The following ZNF385D variants were observed in gnomAD, a reference collection of about 807,000 sequenced individuals.
ZNF385D encodes zinc finger protein 385D, also known as zinc finger protein 659.
In ZNF385D, 15 loss-of-function variants were observed where a neutral mutation model predicts 35.8. The observed-to-expected ratio is 0.42, with a 90% CI of 0.28 to 0.64. ZNF385D has a LOEUF of 0.64. ZNF385D is among the 30% of genes least tolerant of loss of function. ZNF385D has a pLI of 0.23. For missense variants in ZNF385D, 474 were observed against 494.6 expected, an observed-to-expected ratio of 0.96 and a Z score of 0.39; for synonymous variants, 212 against 186.8, an observed-to-expected ratio of 1.13 and a Z score of -1.10.
chr3:21,799,774 T>C (rs2072315329), intron 3 of ZNF385D, among the ~76,000 whole-genome samples: 1 of 150,764 alleles, frequency 6.6e-6, no homozygotes, highest in African/African-American at 2.4e-5. Context: ...CCATTTTATA[T>C]ATTTTTTCTT....
At chr3:21,727,324 G>T (rs79350119) in intron 1 of ZNF385D, among the ~76,000 whole-genome samples, 3 of 152,244 alleles carry the variant, frequency 2.0e-5, no homozygotes, top group East Asian at 3.9e-4. Flanking sequence ...TTGACAAATG[G>T]TATCTAATTA....
chr3:22,085,726 C>T (rs956553037), intron 3 of ZNF385D, among the ~76,000 whole-genome samples: 4 of 152,160 alleles, frequency 2.6e-5, no homozygotes, highest in African/African-American at 9.7e-5. Context: ...CATCCTGATA[C>T]CAAAACATGG....
chr3:21,846,027 A>G (rs1695983377), intron 3 of ZNF385D, among the ~76,000 whole-genome samples: 1 of 152,036 alleles, frequency 6.6e-6, no homozygotes, highest in African/African-American at 2.4e-5. Flanking sequence ...GGAGCCTGCT[A>G]GTAACATACA....
chr3:21,765,355 G>A (rs539119611), intron 3 of ZNF385D, among the ~76,000 whole-genome samples: 2 of 152,140 alleles, frequency 1.3e-5, no homozygotes, highest in African/African-American at 4.8e-5. Flanking sequence ...CAGCTGCCAA[G>A]CCATTCTCCT....
At chr3:22,127,529 G>T (rs1331655164) in intron 3 of ZNF385D, among the ~76,000 whole-genome samples, 12 of 151,356 alleles carry the variant, frequency 7.9e-5, no homozygotes, top group African/African-American at 1.9e-4. Context: ...TAGTAGAGAT[G>T]GGGTTTCACC....
intron 2 of ZNF385D, among the ~76,000 whole-genome samples, chr3:21,597,478 A>T (rs181591523): frequency 6.6e-6 from 1 of 152,318 alleles, no homozygotes; most frequent in African/African-American, 2.4e-5. Context: ...ATGAAATGGC[A>T]TAGGAATTTA....
chr3:22,167,520 G>C (rs1334440209), intron 3 of ZNF385D, among the ~76,000 whole-genome samples: 2 of 152,150 alleles, frequency 1.3e-5, no homozygotes, highest in East Asian at 1.9e-4. Flanking sequence ...TTAGACATGT[G>C]ACAAGGGCTC....
At chr3:22,076,303 C>A (rs77204753) in intron 3 of ZNF385D, among the ~76,000 whole-genome samples, 1,522 of 151,986 alleles carry the variant, frequency 0.01, 31 homozygotes, top group African/African-American at 0.035. Flanking sequence ...TTCTCATGTC[C>A]TACCCACTAT....
At chr3:22,207,943 G>A (rs1697263626) in intron 2 of ZNF385D, among the ~76,000 whole-genome samples, 2 of 151,984 alleles carry the variant, frequency 1.3e-5, no homozygotes, top group Non-Finnish European at 2.9e-5. Context: ...ATACTAGGGA[G>A]GATTGGAGAA....
intron 4 of ZNF385D, among the ~76,000 whole-genome samples, chr3:21,448,291 AT>A (rs1048280784): frequency 6.6e-6 from 1 of 152,134 alleles, no homozygotes; most frequent in African/African-American, 2.4e-5. Context: ...TTGAGAAAAC[AT>A]TTTTTTAACC....
At chr3:22,251,264 G>A (rs947128560) in intron 2 of ZNF385D, among the ~76,000 whole-genome samples, 1 of 152,130 alleles carries the variant, frequency 6.6e-6, no homozygotes, top group Non-Finnish European at 1.5e-5. Context: ...GGTGTCTACT[G>A]TAACTTCTTC....
At chr3:21,543,638 C>G (rs760069703) in intron 3 of ZNF385D, among the ~76,000 whole-genome samples, 8 of 152,192 alleles carry the variant, frequency 5.3e-5, no homozygotes, top group Non-Finnish European at 1.2e-4. Context: ...GTGGAGGAAA[C>G]AGTTGCATAA....
intron 3 of ZNF385D, among the ~76,000 whole-genome samples, chr3:22,091,045 T>G (rs1701306821): frequency 6.6e-6 from 1 of 151,676 alleles, no homozygotes; most frequent in Admixed American, 6.6e-5. Flanking sequence ...TGTGTGGGAG[T>G]GGATTCAACA....
At chr3:21,989,627 A>C (rs1576098186) in intron 3 of ZNF385D, among the ~76,000 whole-genome samples, 1 of 152,156 alleles carries the variant, frequency 6.6e-6, no homozygotes, top group East Asian at 1.9e-4. Context: ...TTATCCTTGG[A>C]AACACTGGAT....
At chr3:22,232,957 A>C (rs905842130) in intron 2 of ZNF385D, among the ~76,000 whole-genome samples, 34 of 152,072 alleles carry the variant, frequency 2.2e-4, no homozygotes, top group African/African-American at 7.5e-4. Context: ...CAGATTTTTA[A>C]AACTTTGTTT....
intron 2 of ZNF385D, among the ~76,000 whole-genome samples, chr3:22,268,226 G>A (rs982576555): frequency 6.6e-6 from 1 of 151,904 alleles, no homozygotes; most frequent in African/African-American, 2.4e-5. Flanking sequence ...GTCATTAGGG[G>A]CACACAGCAA....
chr3:22,262,751 GT>G (rs766936696), intron 2 of ZNF385D, among the ~76,000 whole-genome samples: 3 of 151,600 alleles, frequency 2.0e-5, no homozygotes, highest in Non-Finnish European at 4.4e-5. Flanking sequence ...TTTTTGGGTT[GT>G]TTTGAGGATT....
intron 1 of ZNF385D, among the ~76,000 whole-genome samples, chr3:21,738,267 G>A (rs1483805574): frequency 6.6e-6 from 1 of 152,250 alleles, no homozygotes; most frequent in Non-Finnish European, 1.5e-5. Context: ...AGGTCACATA[G>A]AAAGGTGTGG....
chr3:22,272,891 G>A (rs903776308), intron 2 of ZNF385D, among the ~76,000 whole-genome samples: 5 of 151,786 alleles, frequency 3.3e-5, no homozygotes, highest in Non-Finnish European at 5.9e-5. Context: ...TTTACTTGTG[G>A]GTTACCTCGG....
Sources: gnomAD v4.1 joint callset for allele counts (sites outside exome capture counted in the v4.1 genomes callset) on GRCh38, gnomAD v4.1.1 for gene constraint, MANE v1.5 for transcripts, NCBI Gene and HGNC (gene_info 2026-07-23, HGNC 2026-07-21) for gene names.